Variants in ATXN1 observed in about 807,000 individuals in gnomAD.
ATXN1 encodes the protein ataxin-1.
In ATXN1, 8 loss-of-function variants were observed where a neutral mutation model predicts 56.4. The observed-to-expected ratio is 0.14, with a 90% CI of 0.08 to 0.26. The LOEUF is 0.26. ATXN1 is among the 10% of genes least tolerant of loss of function. ATXN1 has a pLI of 1.00. For missense variants in ATXN1, 987 were observed against 1,106.5 expected (o/e 0.89, Z 1.53); for synonymous variants, 514 against 494.6 (o/e 1.04, Z -0.52).
intron 6 of ATXN1, among the ~76,000 whole-genome samples, chr6:16,381,804 G>C (rs184084286): frequency 1.1e-3 from 175 of 152,198 alleles, no homozygotes; most frequent in African/African-American, 4.0e-3. Context: ...TATTTCTCAG[G>C]TATCTACGTT....
At chr6:16,510,443 T>C (rs1393907084) in intron 5 of ATXN1, among the ~76,000 whole-genome samples, 1 of 152,174 alleles carries the variant, frequency 6.6e-6, no homozygotes, top group Non-Finnish European at 1.5e-5. Flanking sequence ...TGACTAATGC[T>C]TTACCTATAT....
At chr6:16,450,584 C>G (rs1383803278) in intron 6 of ATXN1, among the ~76,000 whole-genome samples, 1 of 152,220 alleles carries the variant, frequency 6.6e-6, no homozygotes. Flanking sequence ...TGAACTGACT[C>G]ACTCCCATTC....
At chr6:16,401,423 G>C (rs1052792869) in intron 6 of ATXN1, among the ~76,000 whole-genome samples, 1 of 152,120 alleles carries the variant, frequency 6.6e-6, no homozygotes, top group Non-Finnish European at 1.5e-5. Context: ...TGAGACCCTT[G>C]ACTCTAAAAA....
chr6:16,360,492 T>C (rs1761786226), intron 6 of ATXN1, among the ~76,000 whole-genome samples: 3 of 152,224 alleles, frequency 2.0e-5, no homozygotes, highest in African/African-American at 7.2e-5. Context: ...TGGCTGAGCC[T>C]CCCACATCAC....
chr6:16,554,909 G>A (rs1252106405), intron 4 of ATXN1, among the ~76,000 whole-genome samples: 1 of 152,078 alleles, frequency 6.6e-6, no homozygotes, highest in Non-Finnish European at 1.5e-5. Flanking sequence ...AGCCTTTAAC[G>A]ACTCTCCATC....
chr6:16,372,478 T>G (rs934404031), intron 6 of ATXN1, among the ~76,000 whole-genome samples: 2 of 152,202 alleles, frequency 1.3e-5, no homozygotes, highest in African/African-American at 4.8e-5. Context: ...CATCCCATGC[T>G]CAGCCCCAAC....
At chr6:16,750,448 A>G (rs1760676087) in intron 2 of ATXN1, among the ~76,000 whole-genome samples, 1 of 152,268 alleles carries the variant, frequency 6.6e-6, no homozygotes, top group Non-Finnish European at 1.5e-5. Context: ...CTGAATGAAT[A>G]TAAAAGAGTA....
At chr6:16,626,866 A>G (rs1442815342) in intron 3 of ATXN1, among the ~76,000 whole-genome samples, 1 of 152,218 alleles carries the variant, frequency 6.6e-6, no homozygotes, top group African/African-American at 2.4e-5. Context: ...GAGAGGACAC[A>G]GGGGGAAGAT....
intron 6 of ATXN1, among the ~76,000 whole-genome samples, chr6:16,365,172 C>A (rs1275609700): frequency 3.3e-5 from 5 of 151,662 alleles, no homozygotes; most frequent in African/African-American, 7.3e-5. Flanking sequence ...AACAGAATTA[C>A]CGGTTTTCTT....
chr6:16,359,773 G>C (rs1279252844), intron 6 of ATXN1, among the ~76,000 whole-genome samples: 1 of 152,154 alleles, frequency 6.6e-6, no homozygotes, highest in Non-Finnish European at 1.5e-5. Context: ...GGGCTTAAAA[G>C]GCGTTGCGGC....
chr6:16,576,030 A>G (rs2113755194), intron 4 of ATXN1, among the ~76,000 whole-genome samples: 1 of 152,296 alleles, frequency 6.6e-6, no homozygotes, highest in African/African-American at 2.4e-5. Context: ...GGAAGATTTA[A>G]TGCAATAAAC....
intron 4 of ATXN1, among the ~76,000 whole-genome samples, chr6:16,546,822 G>C (rs564418832): frequency 6.6e-6 from 1 of 152,296 alleles, no homozygotes; most frequent in South Asian, 2.1e-4. Context: ...GGCATACATA[G>C]TTATTATGTA....
At chr6:16,429,752 T>C (rs114985754) in intron 6 of ATXN1, among the ~76,000 whole-genome samples, 3,369 of 152,288 alleles carry the variant, frequency 0.022, 53 homozygotes, top group Non-Finnish European at 0.036. Context: ...ATTCTGTGTT[T>C]CTATGAGTTT....
intron 2 of ATXN1, among the ~76,000 whole-genome samples, chr6:16,734,938 G>T (rs181976225): frequency 6.6e-6 from 1 of 152,254 alleles, no homozygotes; most frequent in Admixed American, 6.5e-5. Context: ...AGTGTTCACT[G>T]AACCCTTATT....
chr6:16,750,836 T>C (rs10456789), intron 2 of ATXN1, among the ~76,000 whole-genome samples: 11,786 of 152,194 alleles, frequency 0.077, 540 homozygotes, highest in East Asian at 0.12. Context: ...CTCAACCCAT[T>C]TGCAATTAAA....
At chr6:16,496,059 T>G (rs1001119715) in intron 5 of ATXN1, among the ~76,000 whole-genome samples, 1 of 152,202 alleles carries the variant, frequency 6.6e-6, no homozygotes, top group Non-Finnish European at 1.5e-5. Flanking sequence ...TCTACTTGTT[T>G]TACTAAATTA....
intron 6 of ATXN1, among the ~76,000 whole-genome samples, chr6:16,367,337 C>T (rs1561869181): frequency 2.5e-5 from 2 of 79,222 alleles, no homozygotes; most frequent in African/African-American, 6.8e-5. Flanking sequence ...TTCTGTTTCT[C>T]TCTCTCTCTC....
At chr6:16,392,687 G>C (rs533725671) in intron 6 of ATXN1, among the ~76,000 whole-genome samples, 1 of 152,136 alleles carries the variant, frequency 6.6e-6, no homozygotes, top group East Asian at 1.9e-4. Context: ...GTAGAGACAG[G>C]GTTTCATCAT....
rs1760908037 is a variant in ATXN1, at chr6:16,328,721, TA to T, written c.-160-252del. On this transcript the variant is annotated intron_variant, in intron 6 of 7. Coordinates refer to ENST00000436367, the MANE Select transcript of ATXN1 (RefSeq NM_001128164.2). This position sits in a 1 kb window ranked among gnomAD's most constrained non-coding sequence, Gnocchi z 6.2. ...GTCAGGAGATTAAGACCATCCTGGC[TA>T]ACATGGTGAAACCCCGTCTCTACCA... 6.6e-6 allele frequency among the ~76,000 whole-genome samples: 1 copy of T among 151,994 alleles called. No individual in the cohort carries two copies.
Sources: allele counts gnomAD v4.1 joint callset (sites outside exome capture counted in the v4.1 genomes callset), GRCh38; gene constraint gnomAD v4.1.1; non-coding constraint Gnocchi (gnomAD v3.1); transcripts MANE v1.5; gene names NCBI Gene and HGNC (gene_info 2026-07-23, HGNC 2026-07-21).